The following SND1 variants were observed in gnomAD, a reference collection of about 807,000 sequenced individuals.
The protein encoded by SND1 is staphylococcal nuclease and tudor domain containing 1, also known as staphylococcal nuclease domain-containing protein 1.
A neutral mutation model predicts 121.7 loss-of-function variants in SND1; 38 were observed. That is an observed-to-expected ratio of 0.31 (90% CI 0.24 to 0.41). SND1 has a LOEUF of 0.41. Ranked by LOEUF, SND1 falls within the 10% of genes least tolerant of loss-of-function variation. The pLI is 1.00. For missense variants in SND1, 868 were observed against 1,184.6 expected (o/e 0.73, Z 3.92); for synonymous variants, 401 against 447.4 (o/e 0.90, Z 1.31).
intron 13 of SND1, among the ~76,000 whole-genome samples, chr7:127,895,871 T>C (rs1800108938): frequency 1.3e-5 from 2 of 152,090 alleles, no homozygotes; most frequent in Non-Finnish European, 2.9e-5. Flanking sequence ...ACTCCCTCCA[T>C]CCCATCCTTC....
chr7:128,020,666 G>A (rs1803328758), intron 16 of SND1, among the ~76,000 whole-genome samples: 1 of 152,174 alleles, frequency 6.6e-6, no homozygotes, highest in Non-Finnish European at 1.5e-5. Context: ...TACCCAGAAT[G>A]AGAAGGCACC....
chr7:127,929,134 G>A (rs960368222), intron 14 of SND1, 54 bp from the exon 15 acceptor site: 1 of 1,587,146 alleles, frequency 6.3e-7, no homozygotes. Flanking sequence ...TATAAAGAAA[G>A]AAACGTTGGG....
At chr7:127,940,965 T>TG (rs947176382) in intron 15 of SND1, among the ~76,000 whole-genome samples, 1 of 152,200 alleles carries the variant, frequency 6.6e-6, no homozygotes, top group African/African-American at 2.4e-5. Context: ...TCCCCATGTA[T>TG]GGGGGGCTCT....
At chr7:127,854,232 C>A (rs565305331) in intron 12 of SND1, among the ~76,000 whole-genome samples, 1 of 152,152 alleles carries the variant, frequency 6.6e-6, no homozygotes, top group African/African-American at 2.4e-5. Flanking sequence ...TCAAGCGATT[C>A]TCTTGCTGAG....
At chr7:127,749,072 T>G (rs1587638471) in intron 10 of SND1, among the ~76,000 whole-genome samples, 1 of 115,662 alleles carries the variant, frequency 8.6e-6, no homozygotes, top group African/African-American at 3.3e-5. Context: ...TGAGACAGGG[T>G]CTCACTCTGT....
At chr7:127,774,753 A>G (rs1404397065) in intron 10 of SND1, among the ~76,000 whole-genome samples, 1 of 151,880 alleles carries the variant, frequency 6.6e-6, no homozygotes, top group African/African-American at 2.4e-5. Context: ...TAATTTTTAT[A>G]TTTTTAGTAG....
intron 16 of SND1, among the ~76,000 whole-genome samples, chr7:128,053,018 A>G (rs1399865352): frequency 6.6e-6 from 1 of 152,230 alleles, no homozygotes; most frequent in Non-Finnish European, 1.5e-5. Context: ...GAATAAAAAA[A>G]TTTGCTTACA....
chr7:127,923,071 C>T (rs1800752888), intron 14 of SND1, among the ~76,000 whole-genome samples: 1 of 152,188 alleles, frequency 6.6e-6, no homozygotes, highest in Non-Finnish European at 1.5e-5. Context: ...TCTCGGCAGC[C>T]TCAAACTCCT....
intron 12 of SND1, among the ~76,000 whole-genome samples, chr7:127,864,164 C>G (rs1799427594): frequency 6.8e-6 from 1 of 146,534 alleles, no homozygotes; most frequent in Non-Finnish European, 1.5e-5. Flanking sequence ...TCCCATTTTT[C>G]TAAGTCTTCC....
At chr7:127,845,187 T>G (rs1799036755) in intron 12 of SND1, among the ~76,000 whole-genome samples, 1 of 152,244 alleles carries the variant, frequency 6.6e-6, no homozygotes, top group Non-Finnish European at 1.5e-5. Context: ...ATTGTGTTAC[T>G]GAAAGTACAG....
intron 9 of SND1, among the ~76,000 whole-genome samples, chr7:127,714,053 G>C (rs1334622280): frequency 6.6e-6 from 1 of 151,764 alleles, no homozygotes; most frequent in Non-Finnish European, 1.5e-5. Flanking sequence ...GGGCATTGCA[G>C]ATTTCACAGA....
chr7:127,882,905 A>G (rs1169208729), intron 12 of SND1, among the ~76,000 whole-genome samples: 1 of 152,176 alleles, frequency 6.6e-6, no homozygotes, highest in African/African-American at 2.4e-5. Flanking sequence ...ATAATTCACA[A>G]TCGGCATATA....
chr7:127,679,859 C>T (rs974912937), intron 1 of SND1, among the ~76,000 whole-genome samples: 1 of 152,138 alleles, frequency 6.6e-6, no homozygotes, highest in Non-Finnish European at 1.5e-5. Context: ...ATTGTTTTCT[C>T]TCTTTTTTTG....
rs751155815 is a variant in SND1, at chr7:128,028,931, C to G, written c.1779+37875C>G. ...TTGCTGCTGGGATGTCTTCGTCCAC[C>G]TGGATTATCTCAACAGTCCGGGCGG... On this transcript the variant is annotated intron_variant, in intron 16 of 23. Transcript: ENST00000354725. 9.9e-6 allele frequency: 16 copies of G among 1,610,564 alleles called. No individual in the cohort carries two copies. The highest frequency in any genetic ancestry group is 1.3e-5 in the African/African-American group (1 of 74,914).
At chr7:127,658,174 G>A (rs1302457205) in intron 1 of SND1, among the ~76,000 whole-genome samples, 1 of 152,084 alleles carries the variant, frequency 6.6e-6, no homozygotes. Flanking sequence ...AATTAGCCAG[G>A]CATGGTGGCG....
At chr7:127,671,123 A>C (rs983641300) in intron 1 of SND1, among the ~76,000 whole-genome samples, 2 of 152,222 alleles carry the variant, frequency 1.3e-5, no homozygotes, top group Non-Finnish European at 2.9e-5. Context: ...GGAGAGACAA[A>C]GTTTCAGAAC....
intron 10 of SND1, among the ~76,000 whole-genome samples, chr7:127,783,082 T>G (rs1797751581): frequency 6.6e-6 from 1 of 152,196 alleles, no homozygotes; most frequent in African/African-American, 2.4e-5. Context: ...ATTCTGGATA[T>G]ATTTCCTTTA....
At chr7:127,942,957 T>C (rs1297976813) in intron 15 of SND1, among the ~76,000 whole-genome samples, 1 of 152,202 alleles carries the variant, frequency 6.6e-6, no homozygotes, top group African/African-American at 2.4e-5. Context: ...TATGGGGTAA[T>C]AGCATTCTGA....
In SND1 at chr7:128,091,871, A is replaced by G. The variant is rs1793786685; in HGVS notation, c.2657A>G (p.Lys886Arg). The change falls in exon 23 of 24, where the codon AAG (lysine) becomes AGG (arginine). Residue 886 changes from lysine (K) to arginine (R), a missense_variant. Lys to Arg is a conservative substitution (Grantham distance 26). This residue lies in a region of SND1 where 743 missense variants were observed against 1,071.3 expected (regional missense o/e 0.69). Transcript: ENST00000354725. ...TACCTGAATGCCCAAGAGTCAGCCA[A>G]GAGCGCCAGGGTGAGTTCTTACCTT... The part of the protein sequence containing the change: ...TEYLNAQESA[K>R]SARLNLWRYG... 6.2e-7 allele frequency: 1 copy of G among 1,614,074 alleles called. No individual in the cohort carries two copies. The highest frequency in any genetic ancestry group is 1.3e-5 in the African/African-American group (1 of 74,922).
Sources: allele counts gnomAD v4.1 joint callset (sites outside exome capture counted in the v4.1 genomes callset), GRCh38; gene constraint gnomAD v4.1.1; regional missense constraint gnomAD v4.1.1; transcripts MANE v1.5; gene names NCBI Gene and HGNC (gene_info 2026-07-23, HGNC 2026-07-21).